The following CDKAL1 variants were observed in gnomAD, a reference collection of about 807,000 sequenced individuals.
CDKAL1 encodes threonylcarbamoyladenosine tRNA methylthiotransferase.
In CDKAL1, 32 loss-of-function variants were observed where a neutral mutation model predicts 68.2. That is an observed-to-expected ratio of 0.47 (90% CI 0.35 to 0.63). The LOEUF is 0.63. Among genes scored for constraint, CDKAL1 ranks in the 30% least tolerant of loss-of-function variants. The pLI, the probability that CDKAL1 is intolerant of heterozygous loss-of-function variation, is 0.00. For synonymous variants in CDKAL1, 234 were observed against 244.3 expected, an observed-to-expected ratio of 0.96 and a Z score of 0.39; for missense variants, 606 against 696.7, an observed-to-expected ratio of 0.87 and a Z score of 1.47.
intron 9 of CDKAL1, among the ~76,000 whole-genome samples, chr6:20,871,399 A>C (rs915210243): frequency 1.3e-5 from 2 of 152,204 alleles, no homozygotes; most frequent in Non-Finnish European, 2.9e-5. Context: ...CACTACAAAT[A>C]GCTATAACTT....
intron 11 of CDKAL1, among the ~76,000 whole-genome samples, chr6:21,056,561 T>C (rs1278213216): frequency 1.3e-5 from 2 of 152,216 alleles, no homozygotes; most frequent in Non-Finnish European, 1.5e-5. Flanking sequence ...CAATACTATG[T>C]TGAACAGGAG....
intron 10 of CDKAL1, among the ~76,000 whole-genome samples, chr6:20,962,179 T>G (rs150336127): frequency 1.5e-4 from 23 of 152,338 alleles, no homozygotes; most frequent in African/African-American, 5.5e-4. Context: ...CAAACAACAT[T>G]GACACTAACA....
rs78370676 is a variant in CDKAL1 at position 20,767,104 on chromosome 6, A to G, written c.517+8461A>G. 4.5e-3 allele frequency among the ~76,000 whole-genome samples: 678 copies of G among 152,204 alleles called. 11 individuals carry two copies. Among genetic ancestry groups the G allele is most frequent in the African/African-American group, 0.015 (622 of 41,556 alleles). ...GCTACACTGCTTTTATACACTGCAT[A>G]TGTATCATGTGCTTTATTACGTGAC... On this transcript the variant is annotated intron_variant, in intron 7 of 15. Transcript: ENST00000274695.
chr6:20,634,077 T>A (rs1010986639), intron 4 of CDKAL1, among the ~76,000 whole-genome samples: 2 of 152,208 alleles, frequency 1.3e-5, no homozygotes, highest in Non-Finnish European at 2.9e-5. Context: ...AATGTACCAT[T>A]CTGAGCAGAT....
chr6:20,845,951 C>G, intron 8 of CDKAL1, 124 bp from the exon 9 acceptor site: 2 of 562,242 alleles, frequency 3.6e-6, no homozygotes, highest in East Asian at 6.3e-5. Context: ...GTTTTTGAAT[C>G]TCTTGTATAA....
intron 5 of CDKAL1, among the ~76,000 whole-genome samples, chr6:20,663,232 G>GC (rs559343409): frequency 6.6e-6 from 1 of 150,630 alleles, no homozygotes; most frequent in Non-Finnish European, 1.5e-5. Flanking sequence ...GAAATGTAGT[G>GC]TTTTTTTTTC....
intron 5 of CDKAL1, among the ~76,000 whole-genome samples, chr6:20,735,221 A>G (rs1773135435): frequency 6.6e-6 from 1 of 152,140 alleles, no homozygotes; most frequent in South Asian, 2.1e-4. Flanking sequence ...TTCAGTGGGT[A>G]CATGTGCAGA....
At chr6:20,960,859 A>G (rs779301458) in intron 10 of CDKAL1, among the ~76,000 whole-genome samples, 15 of 152,238 alleles carry the variant, frequency 9.9e-5, no homozygotes, top group East Asian at 3.8e-4. Flanking sequence ...CTAAAATACT[A>G]TAGCGATAGA....
intron 5 of CDKAL1, among the ~76,000 whole-genome samples, chr6:20,657,521 A>G (rs1479562585): frequency 6.6e-6 from 1 of 152,078 alleles, no homozygotes; most frequent in Admixed American, 6.6e-5. Context: ...ATTATGCATC[A>G]CATCATTTTG....
At chr6:20,537,851 G>T (rs1423456622) in intron 2 of CDKAL1, among the ~76,000 whole-genome samples, 1 of 150,054 alleles carries the variant, frequency 6.7e-6, no homozygotes, top group Non-Finnish European at 1.5e-5. Flanking sequence ...ATTTCCATAT[G>T]ATTTAATTAA....
At chr6:20,870,063 G>A (rs140464128) in intron 9 of CDKAL1, among the ~76,000 whole-genome samples, 30 of 152,242 alleles carry the variant, frequency 2.0e-4, no homozygotes, top group Admixed American at 6.5e-4. Flanking sequence ...GAGAATCCCC[G>A]TGCATTTTGT....
At chr6:20,815,891 C>G (rs531265937) in intron 8 of CDKAL1, among the ~76,000 whole-genome samples, 189 of 152,266 alleles carry the variant, frequency 1.2e-3, no homozygotes, top group Non-Finnish European at 2.0e-3. Flanking sequence ...ATATCACAAC[C>G]TGGGTGGTTT....
At chr6:20,653,739 C>T (rs567237926) in intron 5 of CDKAL1, among the ~76,000 whole-genome samples, 5 of 151,974 alleles carry the variant, frequency 3.3e-5, no homozygotes, top group East Asian at 1.9e-4. Context: ...CTCAGCCTCT[C>T]GAGTAGGTGG....
intron 13 of CDKAL1, among the ~76,000 whole-genome samples, chr6:21,117,989 G>C (rs114009602): frequency 9.1e-4 from 138 of 152,256 alleles, no homozygotes; most frequent in African/African-American, 3.3e-3. Flanking sequence ...TCTCAAATAT[G>C]CTGACAAAGT....
rs117760153 is a variant in CDKAL1, at chr6:20,621,740, T to C, written c.287-27553T>C. Among the ~76,000 whole-genome samples the C allele has an allele frequency of 4.0e-4, 60 of 151,814 alleles. No individual in the cohort carries two copies. In the East Asian group the frequency reaches 0.011, roughly 29 times the overall value. ...GATGACCCTGTCAGTCACTTCCGTG[T>C]CAGTCGCTCCTGTGTCCCTTTGCAT... On this transcript the variant is annotated intron_variant, in intron 4 of 15. Transcript: ENST00000274695.
intron 6 of CDKAL1, among the ~76,000 whole-genome samples, chr6:20,741,378 A>G (rs1412455541): frequency 6.6e-6 from 1 of 152,038 alleles, no homozygotes; most frequent in African/African-American, 2.4e-5. Context: ...TATACAGGTT[A>G]AACACGCGTC....
At chr6:20,862,936 A>G (rs555693994) in intron 9 of CDKAL1, among the ~76,000 whole-genome samples, 1 of 152,286 alleles carries the variant, frequency 6.6e-6, no homozygotes, top group East Asian at 1.9e-4. Flanking sequence ...CTGAGGCAGG[A>G]GAATCACTTG....
intron 4 of CDKAL1, among the ~76,000 whole-genome samples, chr6:20,608,097 G>A (rs529237044): frequency 6.6e-6 from 1 of 152,262 alleles, no homozygotes; most frequent in South Asian, 2.1e-4. Flanking sequence ...AAACTCTAAA[G>A]TTATCACCAT....
chr6:20,912,376 C>G (rs1762505364), intron 9 of CDKAL1, among the ~76,000 whole-genome samples: 1 of 152,112 alleles, frequency 6.6e-6, no homozygotes. Context: ...TGAAGTTGGT[C>G]TCCTACTTTC....
Sources: allele counts gnomAD v4.1 joint callset (sites outside exome capture counted in the v4.1 genomes callset), GRCh38; gene constraint gnomAD v4.1.1; transcripts MANE v1.5; gene names NCBI Gene and HGNC (gene_info 2026-07-23, HGNC 2026-07-21).